The following TRMT11 variants were observed in gnomAD, a reference collection of about 807,000 sequenced individuals.
TRMT11 encodes the protein tRNA methyltransferase 11, also known as tRNA (guanine(10)-N(2))-methyltransferase TRMT11.
A neutral mutation model predicts 62.8 loss-of-function variants in TRMT11; 53 were observed. That is an observed-to-expected ratio of 0.84 (90% CI 0.68 to 1.06). TRMT11 has a LOEUF of 1.06. Ranked by LOEUF, TRMT11 falls within the 50% of genes least tolerant of loss-of-function variation. The pLI is 0.00. For synonymous variants in TRMT11, 188 were observed against 190.3 expected, an observed-to-expected ratio of 0.99 and a Z score of 0.10; for missense variants, 556 against 553.4, an observed-to-expected ratio of 1.00 and a Z score of -0.05.
chr6:126,050,500 C>T (rs898011408), intron 16 of TRMT11, among the ~76,000 whole-genome samples: 9 of 151,978 alleles, frequency 5.9e-5, no homozygotes, highest in African/African-American at 2.2e-4. Flanking sequence ...GCCAGGATTA[C>T]GAGACCAGCG....
chr6:126,033,626 C>G (rs971111041), intron 12 of TRMT11, among the ~76,000 whole-genome samples: 5 of 152,190 alleles, frequency 3.3e-5, no homozygotes, highest in Admixed American at 2.6e-4. Flanking sequence ...TGAATAAATG[C>G]TAACATTCCC....
At chr6:126,164,277 C>A (rs1478915783) in intron 21 of TRMT11, among the ~76,000 whole-genome samples, 2 of 152,058 alleles carry the variant, frequency 1.3e-5, no homozygotes, top group Non-Finnish European at 2.9e-5. Context: ...CATGTAGTTG[C>A]ACCTGTGTTG....
At chr6:126,132,106 G>C (rs1015033665) in intron 21 of TRMT11, among the ~76,000 whole-genome samples, 4 of 152,060 alleles carry the variant, frequency 2.6e-5, no homozygotes, top group Non-Finnish European at 4.4e-5. Context: ...TAATTTCACA[G>C]ATTTGCAGTT....
At chr6:126,181,262 T>C (rs1778463669) in intron 1 of TRMT11, among the ~76,000 whole-genome samples, 1 of 152,242 alleles carries the variant, frequency 6.6e-6, no homozygotes, top group Admixed American at 6.5e-5. Context: ...TCTGGCTTAA[T>C]GCATGACCAG....
intron 17 of TRMT11, among the ~76,000 whole-genome samples, chr6:126,062,902 C>T (rs1172898637): frequency 6.6e-6 from 1 of 152,122 alleles, no homozygotes; most frequent in Non-Finnish European, 1.5e-5. Flanking sequence ...ATCCTATTTT[C>T]AAAATGCTTT....
At chr6:126,017,734 T>C (rs1278505072) in intron 11 of TRMT11, among the ~76,000 whole-genome samples, 7 of 152,200 alleles carry the variant, frequency 4.6e-5, no homozygotes, top group Admixed American at 4.6e-4. Flanking sequence ...TAATAGCTTG[T>C]TTTTACTGCT....
chr6:126,074,315 C>T (rs534600682), intron 17 of TRMT11, among the ~76,000 whole-genome samples: 19 of 152,260 alleles, frequency 1.2e-4, no homozygotes, highest in Admixed American at 3.9e-4. Flanking sequence ...TACCCATAAC[C>T]GCTGGATAGC....
chr6:126,011,503 C>A, intron 9 of TRMT11, 86 bp downstream of exon 9: 1 of 1,108,960 alleles, frequency 9.0e-7, no homozygotes, highest in Non-Finnish European at 1.3e-6. Context: ...CCAACACATG[C>A]ACAAAATGCC....
At chr6:126,007,637 A>G (rs1354679731) in intron 7 of TRMT11, among the ~76,000 whole-genome samples, 1 of 151,986 alleles carries the variant, frequency 6.6e-6, no homozygotes, top group Non-Finnish European at 1.5e-5. Context: ...AAAGAGTTTC[A>G]TTATTATTTT....
At chr6:126,148,993 A>C (rs1341657748) in intron 21 of TRMT11, among the ~76,000 whole-genome samples, 1 of 152,214 alleles carries the variant, frequency 6.6e-6, no homozygotes, top group Non-Finnish European at 1.5e-5. Flanking sequence ...GTGAGAATTA[A>C]ATGAGCTGCT....
the TRMT11 span, among the ~76,000 whole-genome samples, chr6:126,252,574 G>A: frequency 2.0e-5 from 3 of 152,130 alleles, no homozygotes; most frequent in Admixed American, 6.6e-5. Flanking sequence ...AAGAGTATCC[G>A]CAAATTTCTG....
At chr6:125,998,708 A>G (rs1387413366) in intron 6 of TRMT11, 24 bp downstream of exon 6, 2 of 1,602,646 alleles carry the variant, frequency 1.2e-6, no homozygotes, top group East Asian at 2.2e-5. Context: ...CTTTCTACCT[A>G]TGTCAGTTTG....
chr6:126,113,982 A>G (rs1477262483), intron 18 of TRMT11, among the ~76,000 whole-genome samples: 1 of 152,084 alleles, frequency 6.6e-6, no homozygotes, highest in Non-Finnish European at 1.5e-5. Context: ...GTTCTTTACA[A>G]AATGTGGGTT....
At chr6:126,093,632 T>TATATATATATATATATATATA (rs1777307371) in intron 17 of TRMT11, among the ~76,000 whole-genome samples, 51 of 87,820 alleles carry the variant, frequency 5.8e-4, no homozygotes, top group Non-Finnish European at 7.6e-4. Flanking sequence ...TATATATATA[T>TATATATATATATATATATATA]TTTCCCCCAG....
In TRMT11 at chr6:125,993,778, C is replaced by T; in HGVS notation, c.94C>T (p.Leu32Phe). 6.2e-7 allele frequency: 1 copy of T among 1,609,912 alleles called. No individual in the cohort carries two copies. The highest frequency in any genetic ancestry group is 1.1e-5 in the South Asian group (1 of 90,854). Residue 32 changes from leucine (L) to phenylalanine (F), a missense_variant, in exon 2 of 13, where the codon CTT becomes TTT. By Grantham distance (22) the Leu-to-Phe change is conservative. Transcript: ENST00000334379. ...RLPEIKSLLL[L>F]FGGQFASSQE... ...ACAGGAAATAAAGTCTTTGCTTTTG[C>T]TTTTTGGAGGTCAGTTTGCCAGCAG...
At chr6:126,124,395 T>A (rs1209383564) in intron 21 of TRMT11, among the ~76,000 whole-genome samples, 1 of 152,078 alleles carries the variant, frequency 6.6e-6, no homozygotes, top group Non-Finnish European at 1.5e-5. Flanking sequence ...ATTGCCCTCT[T>A]TTTTAGTGCA....
chr6:126,264,459 T>G, the TRMT11 span, among the ~76,000 whole-genome samples: 1 of 152,002 alleles, frequency 6.6e-6, no homozygotes, highest in Non-Finnish European at 1.5e-5. Context: ...AGGACGGAGG[T>G]TCAGAGGTTA....
chr6:126,135,045 A>T (rs1434981300), intron 21 of TRMT11, among the ~76,000 whole-genome samples: 1 of 151,752 alleles, frequency 6.6e-6, no homozygotes, highest in East Asian at 1.9e-4. Flanking sequence ...ATAATAAAAA[A>T]AATTTAAATA....
chr6:125,986,867 C>A, intron 1 of TRMT11: 1 of 518,820 alleles, frequency 1.9e-6, no homozygotes, highest in Non-Finnish European at 3.4e-6. Flanking sequence ...TATCAAGTAC[C>A]GGAGTTAGGC....
Sources: allele counts gnomAD v4.1 joint callset (sites outside exome capture counted in the v4.1 genomes callset), GRCh38; gene constraint gnomAD v4.1.1; transcripts MANE v1.5; gene names NCBI Gene and HGNC (gene_info 2026-07-23, HGNC 2026-07-21).